RNF169: variants seen among roughly 807,000 people sequenced by gnomAD.
The protein encoded by RNF169 is E3 ubiquitin-protein ligase RNF169.
RNF169 carries 24 observed loss-of-function variants against 53.9 expected under a neutral mutation model. That is an observed-to-expected ratio of 0.45 (90% CI 0.32 to 0.63). The LOEUF is 0.63. Ranked by LOEUF, RNF169 falls within the 20% of genes least tolerant of loss-of-function variation. RNF169 has a pLI of 0.04. For synonymous variants in RNF169, 396 were observed against 363.5 expected (o/e 1.09, Z -1.02); for missense variants, 883 against 906.2 (o/e 0.97, Z 0.33).
chr11:74,786,829 G>C (rs7949317), intron 1 of RNF169, among the ~76,000 whole-genome samples: 3,764 of 152,238 alleles, frequency 0.025, 127 homozygotes, highest in African/African-American at 0.086. Context: ...TTCTAAGTTG[G>C]GGATCAGGCT....
intron 1 of RNF169, among the ~76,000 whole-genome samples, chr11:74,789,335 T>G (rs1474633611): frequency 6.6e-6 from 1 of 152,194 alleles, no homozygotes; most frequent in East Asian, 1.9e-4. Flanking sequence ...GGGAGACTAT[T>G]TTCTATAACA....
intron 1 of RNF169, among the ~76,000 whole-genome samples, chr11:74,765,359 G>T (rs2035156346): frequency 6.6e-6 from 1 of 152,118 alleles, no homozygotes; most frequent in Admixed American, 6.6e-5. Context: ...TAGGCACAAA[G>T]GAAGTTTCGA....
Position 74,840,042 on chromosome 11 carries a change from A to G in RNF169, c.*3312A>G, listed in dbSNP as rs183408023. 6.6e-6 allele frequency: 1 copy of G among 152,246 alleles called. No homozygotes were observed. The highest frequency in any genetic ancestry group is 1.5e-5 in the Non-Finnish European group (1 of 67,990). The allele number at this position is 152,246 out of a possible 1,614,324, so 9.4% of individuals were successfully genotyped here. A position where few individuals can be genotyped will look rare whatever the true frequency, so the allele number is the denominator to read the frequency against. On this transcript the variant is annotated 3_prime_UTR_variant, in exon 6 of 6. Coordinates refer to ENST00000299563, the MANE Select transcript of RNF169 (RefSeq NM_001098638.2). ...TCCCTAAAGGAAAAATGTCCTTAAGAGATTAAAGCTCTTAATTGATTACTG... is the reference window on the plus strand; with the variant it reads ...TCCCTAAAGGAAAAATGTCCTTAAGGGATTAAAGCTCTTAATTGATTACTG...
chr11:74,826,330 A>G (rs2036096705), intron 4 of RNF169, among the ~76,000 whole-genome samples: 1 of 152,168 alleles, frequency 6.6e-6, no homozygotes, highest in Admixed American at 6.5e-5. Context: ...CACCTCATAA[A>G]TAAGTAAATA....
intron 4 of RNF169, among the ~76,000 whole-genome samples, chr11:74,828,192 G>GGTAACCAGAGAGCCA (rs1000703944): frequency 1.6e-4 from 25 of 152,218 alleles, no homozygotes; most frequent in African/African-American, 5.8e-4. Context: ...ACCAGTAGCA[G>GGTAACCAGAGAGCCA]GTAACCAGAG....
chr11:74,767,187 T>C lies in RNF169; in HGVS notation c.502+17805T>C, dbSNP rs1477071761. 2.0e-5 allele frequency among the ~76,000 whole-genome samples: 3 copies of C among 151,970 alleles called. No homozygotes were observed. The East Asian group carries it at 5.8e-4, about 29-fold the overall frequency. On this transcript the variant is annotated intron_variant, in intron 1 of 5. Coordinates refer to ENST00000299563, the MANE Select transcript of RNF169 (RefSeq NM_001098638.2). Reference sequence around the variant, plus strand: ...CAGGTGAAACACAGACTGAATCGAGTAGTATATTTTTAAAAAATCACAACC... The same window carrying C: ...CAGGTGAAACACAGACTGAATCGAGCAGTATATTTTTAAAAAATCACAACC...
At chr11:74,778,253 G>A (rs2035365431) in intron 1 of RNF169, among the ~76,000 whole-genome samples, 2 of 152,102 alleles carry the variant, frequency 1.3e-5, no homozygotes, top group Admixed American at 1.3e-4. Flanking sequence ...TTCTCGTTCT[G>A]CAGTACCTCC....
rs2036282828 is a variant in RNF169, at chr11:74,838,019, A to G, written c.*1289A>G. The G allele has an allele frequency of 6.6e-6, 1 of 152,240 alleles. No individual in the cohort carries two copies. The highest frequency in any genetic ancestry group is 2.1e-4 in the South Asian group (1 of 4,834). 9.4% of individuals were successfully genotyped at this position (152,240 alleles called of 1,614,324 possible). A position where few individuals can be genotyped will look rare whatever the true frequency, so the allele number is the denominator to read the frequency against. ...TGACTGGCATTTTAACAGACCTTCC[A>G]GAGCTTATATATCCCAATATATGTT... On this transcript the variant is annotated 3_prime_UTR_variant, in exon 6 of 6. Coordinates refer to ENST00000299563, the MANE Select transcript of RNF169 (RefSeq NM_001098638.2).
At chr11:74,766,657 A>G (rs1439991965) in intron 1 of RNF169, among the ~76,000 whole-genome samples, 1 of 152,174 alleles carries the variant, frequency 6.6e-6, no homozygotes, top group East Asian at 1.9e-4. Flanking sequence ...TTAGGGGAGG[A>G]TAGAAAATAA....
In RNF169 at chr11:74,836,501, A is replaced by C; in HGVS notation, c.1898A>C (p.Gln633Pro). The C allele has an allele frequency of 6.2e-7, 1 of 1,614,194 alleles. No individual in the cohort carries two copies. The highest frequency in any genetic ancestry group is 1.6e-4 in the Middle Eastern group (1 of 6,062). Reference sequence around the variant, plus strand: ...CACTGCAAGACCAAGCACTTAGAACAAAATGGCTCCCTTAAAAAACTGCGA... The same window carrying C: ...CACTGCAAGACCAAGCACTTAGAACCAAATGGCTCCCTTAAAAAACTGCGA... Reference protein sequence around the residue: ...KRHCKTKHLEQNGSLKKLRQT... With the variant: ...KRHCKTKHLEPNGSLKKLRQT... The change falls in exon 6 of 6, where the codon CAA becomes CCA. Residue 633 changes from glutamine (Q) to proline (P), a missense_variant. Transcript: ENST00000299563.
intron 1 of RNF169, 63 bp downstream of exon 1, chr11:74,749,445 G>C: frequency 8.4e-7 from 1 of 1,189,016 alleles, no homozygotes. Flanking sequence ...GGCCCGGCCT[G>C]GTGAGGGGGT....
chr11:74,766,880 G>T (rs942562841), intron 1 of RNF169, among the ~76,000 whole-genome samples: 3 of 152,170 alleles, frequency 2.0e-5, no homozygotes, highest in Non-Finnish European at 4.4e-5. Flanking sequence ...GACTTGTTTT[G>T]GGGGCTTTTA....
intron 4 of RNF169, chr11:74,831,172 A>G (rs758016199): frequency 6.6e-6 from 1 of 152,226 alleles, no homozygotes; most frequent in Non-Finnish European, 1.5e-5. Context: ...AAGAAAAATA[A>G]AAGGCATCCA....
chr11:74,749,427 C>A (rs761242305), intron 1 of RNF169, 45 bp downstream of exon 1: 3 of 1,221,086 alleles, frequency 2.5e-6, no homozygotes, highest in South Asian at 3.6e-5. Flanking sequence ...CGAGGCCGAG[C>A]GCGCCCCGGC....
intron 4 of RNF169, chr11:74,832,436 A>C (rs1286197674): frequency 6.6e-6 from 1 of 152,110 alleles, no homozygotes; most frequent in Non-Finnish European, 1.5e-5. Flanking sequence ...TGTATCTGAT[A>C]ACGTAGGCTT....
chr11:74,810,964 T>C (rs1044622920), intron 3 of RNF169, among the ~76,000 whole-genome samples: 14 of 152,356 alleles, frequency 9.2e-5, no homozygotes, highest in African/African-American at 3.1e-4. Context: ...GTAAGTCATA[T>C]TGGATTGGAC....
At chr11:74,835,076 G>A (rs2036233566) in intron 5 of RNF169, among the ~76,000 whole-genome samples, 1 of 152,066 alleles carries the variant, frequency 6.6e-6, no homozygotes, top group Admixed American at 6.6e-5. Flanking sequence ...TCAGACTCCT[G>A]GGCTCAAGTA....
intron 1 of RNF169, among the ~76,000 whole-genome samples, chr11:74,784,361 G>A (rs2035458170): frequency 1.3e-5 from 2 of 152,178 alleles, no homozygotes; most frequent in Non-Finnish European, 1.5e-5. Context: ...ACCACCCACA[G>A]GTTCACTGAT....
intron 4 of RNF169, among the ~76,000 whole-genome samples, chr11:74,821,657 C>CAAAAAAA (rs1230736435): frequency 1.8e-3 from 47 of 26,060 alleles, no homozygotes; most frequent in Non-Finnish European, 1.9e-3. Context: ...GACTCCGTCT[C>CAAAAAAA]AAAAAAAAAA....
Sources: allele counts gnomAD v4.1 joint callset (sites outside exome capture counted in the v4.1 genomes callset), GRCh38; gene constraint gnomAD v4.1.1; transcripts MANE v1.5; gene names NCBI Gene and HGNC (gene_info 2026-07-23, HGNC 2026-07-21).